Variants in FUT9 observed in about 807,000 individuals in gnomAD.
The protein encoded by FUT9 is fucosyltransferase 9, also known as 4-galactosyl-N-acetylglucosaminide 3-alpha-L-fucosyltransferase 9.
In FUT9, 15 loss-of-function variants were observed where a neutral mutation model predicts 29.7. The ratio of observed to expected loss-of-function variants is 0.51; its 90% confidence interval spans 0.34 to 0.78. The LOEUF (loss-of-function observed/expected upper bound fraction) is 0.78. Among genes scored for constraint, FUT9 ranks in the 30% least tolerant of loss-of-function variants. FUT9 has a pLI of 0.01. For missense variants in FUT9, 319 were observed against 425.4 expected (o/e 0.75, Z 2.20); for synonymous variants, 169 against 153.7 (o/e 1.10, Z -0.74).
chr6:96,201,112 T>A (rs1180028325), intron 2 of FUT9, among the ~76,000 whole-genome samples: 1 of 152,066 alleles, frequency 6.6e-6, no homozygotes, highest in Non-Finnish European at 1.5e-5. Context: ...CCTAATTTAT[T>A]GAATTGTTGA....
At position 96,207,244 on chromosome 6, in the gene FUT9, C is replaced by A. The variant is rs1261598140; in HGVS notation, c.*3009C>A. ...TCACACACACATACACACACACACA[C>A]ACACACCCCACAGCTAGTGACAATA... On this transcript the variant is annotated 3_prime_UTR_variant, in exon 3 of 3. Transcript: ENST00000302103. The A allele has an allele frequency of 6.0e-6, 1 of 166,578 alleles. No individual in the cohort carries two copies. The highest frequency in any genetic ancestry group is 6.6e-5 in the Admixed American group (1 of 15,252). The allele number at this position is 166,578 out of a possible 1,614,324, so 10.3% of individuals were successfully genotyped here.
intron 2 of FUT9, among the ~76,000 whole-genome samples, chr6:96,119,168 C>T (rs1157594375): frequency 6.6e-6 from 1 of 152,202 alleles, no homozygotes; most frequent in Non-Finnish European, 1.5e-5. Flanking sequence ...TTCACATCCA[C>T]TCACCACTCA....
At chr6:96,040,384 A>G (rs1464397912) in intron 1 of FUT9, among the ~76,000 whole-genome samples, 1 of 152,228 alleles carries the variant, frequency 6.6e-6, no homozygotes, top group Non-Finnish European at 1.5e-5. Flanking sequence ...CACAAGTGAA[A>G]AGGCATAAGA....
At chr6:96,184,264 C>A (rs998385297) in intron 2 of FUT9, among the ~76,000 whole-genome samples, 2 of 151,900 alleles carry the variant, frequency 1.3e-5, no homozygotes, top group Non-Finnish European at 2.9e-5. Context: ...TTTGAATGAT[C>A]TTTTGTGTTT....
At chr6:96,125,600 G>A (rs539636565) in intron 2 of FUT9, among the ~76,000 whole-genome samples, 1 of 152,104 alleles carries the variant, frequency 6.6e-6, no homozygotes. Flanking sequence ...ACTACAGCTC[G>A]GCAAGATGAA....
intron 1 of FUT9, among the ~76,000 whole-genome samples, chr6:96,077,419 T>C (rs907621255): frequency 6.6e-6 from 1 of 152,326 alleles, no homozygotes; most frequent in East Asian, 1.9e-4. Flanking sequence ...ATGTGCATGG[T>C]TTTCTACGTA....
chr6:96,082,831 A>G (rs1771260612), intron 1 of FUT9, among the ~76,000 whole-genome samples: 1 of 151,972 alleles, frequency 6.6e-6, no homozygotes, highest in Non-Finnish European at 1.5e-5. Context: ...GTCTTTTAGT[A>G]AATTGTTATC....
At chr6:96,091,159 A>C (rs554941612) in intron 1 of FUT9, among the ~76,000 whole-genome samples, 19 of 152,010 alleles carry the variant, frequency 1.2e-4, no homozygotes, top group Non-Finnish European at 2.2e-4. Flanking sequence ...AACTTCACCA[A>C]CTGAAGGAGA....
Position 96,205,040 on chromosome 6 carries a change from T to G in FUT9, c.*805T>G, listed in dbSNP as rs1444915625. 6.0e-6 allele frequency: 1 copy of G among 166,068 alleles called. No homozygotes were observed. Among genetic ancestry groups the G allele is most frequent in the Non-Finnish European group, 1.5e-5 (1 of 68,062 alleles). 10.3% of individuals were successfully genotyped at this position (166,068 alleles called of 1,614,324 possible). A position where few individuals can be genotyped will look rare whatever the true frequency, so the allele number is the denominator to read the frequency against. On this transcript the variant is annotated 3_prime_UTR_variant, in exon 3 of 3. Transcript: ENST00000302103. ...TCATTGTCATAATAAAACAAATAAT[T>G]TCCTCAAATAACAAAGAAAAATGAT...
At chr6:96,022,499 T>G (rs1770087179) in intron 1 of FUT9, among the ~76,000 whole-genome samples, 1 of 151,960 alleles carries the variant, frequency 6.6e-6, no homozygotes, top group South Asian at 2.1e-4. Context: ...ATATTTCCAG[T>G]AGTTTTTTTG....
At chr6:96,128,561 A>G (rs1772174512) in intron 2 of FUT9, among the ~76,000 whole-genome samples, 1 of 152,176 alleles carries the variant, frequency 6.6e-6, no homozygotes, top group South Asian at 2.1e-4. Context: ...ATGTTCATAA[A>G]TTTGGTAATA....
At chr6:96,139,319 C>T (rs982402442) in intron 2 of FUT9, among the ~76,000 whole-genome samples, 3 of 152,034 alleles carry the variant, frequency 2.0e-5, no homozygotes, top group Non-Finnish European at 4.4e-5. Context: ...AGGTGAGTTC[C>T]CACGGTCTTG....
intron 2 of FUT9, among the ~76,000 whole-genome samples, chr6:96,158,562 C>T (rs2127979061): frequency 6.6e-6 from 1 of 152,066 alleles, no homozygotes; most frequent in African/African-American, 2.4e-5. Flanking sequence ...CAGATTGGTC[C>T]CTAATTTCTT....
intron 1 of FUT9, among the ~76,000 whole-genome samples, chr6:96,063,658 C>T (rs977712907): frequency 6.6e-6 from 1 of 152,034 alleles, no homozygotes; most frequent in Non-Finnish European, 1.5e-5. Context: ...TTATGCTTCA[C>T]TGTTTTGTGA....
intron 2 of FUT9, among the ~76,000 whole-genome samples, chr6:96,171,245 C>T (rs961646886): frequency 2.0e-5 from 3 of 152,190 alleles, no homozygotes; most frequent in African/African-American, 7.2e-5. Flanking sequence ...TCTGTCAGTT[C>T]CAACCCGCAT....
At chr6:96,094,369 C>A (rs781078567) in intron 1 of FUT9, among the ~76,000 whole-genome samples, 3 of 152,046 alleles carry the variant, frequency 2.0e-5, no homozygotes, top group Non-Finnish European at 2.9e-5. Flanking sequence ...TTAATAATGG[C>A]CCCAAAGCAC....
chr6:96,144,055 C>T lies in FUT9; in HGVS notation c.-9+29928C>T, dbSNP rs77424087. Reference sequence around the variant, plus strand: ...GCTCTTCCTCTCCAAACTGGCTCTCCTGTTTACCCTGCTCTTGTTCAGAAC... The same window carrying T: ...GCTCTTCCTCTCCAAACTGGCTCTCTTGTTTACCCTGCTCTTGTTCAGAAC... On this transcript the variant is annotated intron_variant, in intron 2 of 2. Coordinates refer to ENST00000302103, the MANE Select transcript of FUT9 (RefSeq NM_006581.4). Among the ~76,000 whole-genome samples, 1,196 of 152,262 alleles carry T rather than the reference C, an allele frequency of 7.9e-3. 25 individuals carry two copies. The highest frequency in any genetic ancestry group is 0.027 in the African/African-American group (1,141 of 41,546).
intron 2 of FUT9, among the ~76,000 whole-genome samples, chr6:96,158,726 A>G (rs1033537712): frequency 2.0e-5 from 3 of 152,042 alleles, no homozygotes; most frequent in East Asian, 1.9e-4. Context: ...TTGTTGCTTC[A>G]TCCCCCAAAT....
intron 1 of FUT9, among the ~76,000 whole-genome samples, chr6:96,082,180 T>A (rs185226953): frequency 2.0e-5 from 3 of 151,880 alleles, no homozygotes; most frequent in Non-Finnish European, 4.4e-5. Context: ...TATCAATATT[T>A]TCCTTTTGAG....
Sources: gnomAD v4.1 joint callset for allele counts (sites outside exome capture counted in the v4.1 genomes callset) on GRCh38, gnomAD v4.1.1 for gene constraint, MANE v1.5 for transcripts, NCBI Gene and HGNC (gene_info 2026-07-23, HGNC 2026-07-21) for gene names.